SLC6A6: variants seen among roughly 807,000 people sequenced by gnomAD.
The protein encoded by SLC6A6 is solute carrier family 6 member 6.
Under a neutral mutation model 68.8 loss-of-function variants are expected in SLC6A6, and 16 were observed. The observed-to-expected ratio is 0.23, with a 90% CI of 0.16 to 0.35. SLC6A6 has a LOEUF of 0.35. Ranked by LOEUF, SLC6A6 falls within the 10% of genes least tolerant of loss-of-function variation. The probability of loss-of-function intolerance (pLI) is 1.00; values close to 1 mark genes in which losing one functional copy is unlikely to be tolerated. For missense variants in SLC6A6, 474 were observed against 802.8 expected, an observed-to-expected ratio of 0.59 and a Z score of 4.95; for synonymous variants, 312 against 315.4, an observed-to-expected ratio of 0.99 and a Z score of 0.12.
chr3:14,451,449 G>T (rs554593022), intron 5 of SLC6A6, among the ~76,000 whole-genome samples: 1 of 152,242 alleles, frequency 6.6e-6, no homozygotes, highest in Non-Finnish European at 1.5e-5. Flanking sequence ...GAAAGCACAT[G>T]AGTATTTGGG....
Position 14,481,651 on chromosome 3 carries a change from C to A in SLC6A6, c.1552-20C>A. ...CCGATGCCCAGGACCCCTCTCCTGACTGCCCCCATCTCTCCGCAGGGATGT... is the reference window on the plus strand; with the variant it reads ...CCGATGCCCAGGACCCCTCTCCTGAATGCCCCCATCTCTCCGCAGGGATGT... On this transcript the variant is annotated intron_variant, in intron 13 of 14. Transcript: ENST00000622186. The surrounding 1 kb of genome is among the most constrained non-coding windows in gnomAD (Gnocchi z 4.7). 6.3e-7 allele frequency: 1 copy of A among 1,581,796 alleles called. No homozygotes were observed. Among genetic ancestry groups the A allele is most frequent in the Non-Finnish European group, 8.6e-7 (1 of 1,157,818 alleles).
At chr3:14,425,711 C>T (rs1430398545) in intron 2 of SLC6A6, among the ~76,000 whole-genome samples, 1 of 43,800 alleles carries the variant, frequency 2.3e-5, no homozygotes, top group Non-Finnish European at 4.5e-5. Flanking sequence ...GTGGGGGACT[C>T]GGGGCAGGGA....
Position 14,485,081 on chromosome 3 carries a change from C to G in SLC6A6, c.*74C>G. 7.6e-7 allele frequency: 1 copy of G among 1,317,994 alleles called. No homozygotes were observed. The highest frequency in any genetic ancestry group is 1.4e-5 in the South Asian group (1 of 71,200). 81.6% of individuals were successfully genotyped at this position (1,317,994 alleles called of 1,614,324 possible). A position where few individuals can be genotyped will look rare whatever the true frequency, so the allele number is the denominator to read the frequency against. On this transcript the variant is annotated 3_prime_UTR_variant, in exon 15 of 15. Coordinates refer to ENST00000622186, the MANE Select transcript of SLC6A6 (RefSeq NM_003043.6). ...TTAGATTCTCATAGGACCAGGTTTA[C>G]AGAGCTTTATATTTGCACTAGGATT...
chr3:14,465,568 T>C (rs1700598071), intron 6 of SLC6A6, among the ~76,000 whole-genome samples: 1 of 152,206 alleles, frequency 6.6e-6, no homozygotes, highest in Non-Finnish European at 1.5e-5. Context: ...TTGAGGGGCT[T>C]CTATTACTCT....
intron 2 of SLC6A6, among the ~76,000 whole-genome samples, chr3:14,439,080 A>G (rs1317042491): frequency 6.6e-6 from 1 of 152,206 alleles, no homozygotes; most frequent in Non-Finnish European, 1.5e-5. Flanking sequence ...AGCAAGATAT[A>G]GGGGTCCCCA....
intron 2 of SLC6A6, among the ~76,000 whole-genome samples, chr3:14,441,647 G>A (rs908246359): frequency 7.2e-5 from 11 of 152,238 alleles, no homozygotes; most frequent in African/African-American, 2.7e-4. Flanking sequence ...TGTTCCTCGA[G>A]CACAGCCCCT....
At position 14,477,907 on chromosome 3, in the gene SLC6A6, G is replaced by C. The variant is rs1034729709; in HGVS notation, c.1348-559G>C. Among the ~76,000 whole-genome samples the C allele has an allele frequency of 6.6e-6, 1 of 152,148 alleles. No individual in the cohort carries two copies. The highest frequency in any genetic ancestry group is 1.5e-5 in the Non-Finnish European group (1 of 68,026). ...AAGGGAACGGGAACGTCTAAGACGT[G>C]TCTAGCAAGAGGCAAGCCAGATGAG... is the stretch of plus-strand genomic sequence containing the variant. On this transcript the variant is annotated intron_variant, in intron 11 of 14. Transcript: ENST00000622186. This position sits in a 1 kb window ranked among gnomAD's most constrained non-coding sequence, Gnocchi z 4.2.
At chr3:14,445,370 G>A (rs1030718413) in intron 3 of SLC6A6, among the ~76,000 whole-genome samples, 2 of 150,918 alleles carry the variant, frequency 1.3e-5, no homozygotes, top group South Asian at 2.1e-4. Context: ...GCAGTGAGCC[G>A]AGATCACGCC....
At chr3:14,475,192 T>A (rs1269420127) in intron 10 of SLC6A6, among the ~76,000 whole-genome samples, 1 of 151,820 alleles carries the variant, frequency 6.6e-6, no homozygotes, top group Non-Finnish European at 1.5e-5. Flanking sequence ...CCACCATACC[T>A]GGCTAATTTT....
In SLC6A6 at chr3:14,477,945, C is replaced by T. The variant is rs146481861; in HGVS notation, c.1348-521C>T. Among the ~76,000 whole-genome samples, 65 of 152,264 alleles carry T rather than the reference C, an allele frequency of 4.3e-4. No homozygotes were observed. The highest frequency in any genetic ancestry group is 1.5e-3 in the African/African-American group (64 of 41,550). On this transcript the variant is annotated intron_variant, in intron 11 of 14. Coordinates refer to ENST00000622186, the MANE Select transcript of SLC6A6 (RefSeq NM_003043.6). This position sits in a 1 kb window ranked among gnomAD's most constrained non-coding sequence, Gnocchi z 4.2. ...CAAGCCAGATGAGATAAAGATTGTA[C>T]TAAGAATGGAAGCCTAGCATCAAAG... is the stretch of plus-strand genomic sequence containing the variant.
chr3:14,420,489 C>CT (rs763732632), intron 2 of SLC6A6, among the ~76,000 whole-genome samples: 21,300 of 127,948 alleles, frequency 0.17, 2,103 homozygotes, highest in African/African-American at 0.21. Flanking sequence ...AACCACTCTG[C>CT]TTTTTTTTTT....
chr3:14,443,583 C>A (rs1700040889), intron 2 of SLC6A6, 41 bp from the exon 3 acceptor site: 4 of 1,318,876 alleles, frequency 3.0e-6, no homozygotes, highest in Non-Finnish European at 4.3e-6. Flanking sequence ...TACAGGTGGT[C>A]CCTCATCAGC....
At chr3:14,438,892 G>A (rs979855209) in intron 2 of SLC6A6, among the ~76,000 whole-genome samples, 1 of 152,218 alleles carries the variant, frequency 6.6e-6, no homozygotes, top group African/African-American at 2.4e-5. Context: ...TCTGCAGGAC[G>A]GCAGGGCAGG....
In SLC6A6 at chr3:14,472,451, G is replaced by T; in HGVS notation, c.1209+134G>T. ...CAGACTTCCAGTGCTTCAGCTGTGAGGGTTCCTCCAGGACACCAGGAATAG... is the reference window on the plus strand; with the variant it reads ...CAGACTTCCAGTGCTTCAGCTGTGATGGTTCCTCCAGGACACCAGGAATAG... On this transcript the variant is annotated intron_variant, in intron 10 of 14. Transcript: ENST00000622186. The surrounding 1 kb of genome is among the most constrained non-coding windows in gnomAD (Gnocchi z 4.5). 1 of 653,694 alleles carries T rather than the reference G, an allele frequency of 1.5e-6. No homozygotes were observed. Among genetic ancestry groups the T allele is most frequent in the East Asian group, 2.6e-5 (1 of 39,074 alleles). 40.5% of individuals were successfully genotyped at this position (653,694 alleles called of 1,614,324 possible). A position where few individuals can be genotyped will look rare whatever the true frequency, so the allele number is the denominator to read the frequency against.
intron 6 of SLC6A6, among the ~76,000 whole-genome samples, chr3:14,464,405 A>G (rs952025045): frequency 6.6e-6 from 1 of 152,160 alleles, no homozygotes; most frequent in African/African-American, 2.4e-5. Flanking sequence ...AGATAGTAAT[A>G]CAACTTACCT....
chr3:14,484,208 G>C (rs2125002020), intron 14 of SLC6A6, among the ~76,000 whole-genome samples: 1 of 152,310 alleles, frequency 6.6e-6, no homozygotes, highest in East Asian at 1.9e-4. Flanking sequence ...TCAACCAACT[G>C]TGAGGACAAA....
rs896615695 is a variant in SLC6A6, at chr3:14,402,926, C to T, written c.-54+79C>T. On this transcript the variant is annotated intron_variant, in intron 1 of 14. Transcript: ENST00000622186. The surrounding 1 kb of genome is among the most constrained non-coding windows in gnomAD (Gnocchi z 4.8). ...GCCCCTCCCCATCCCCGCGTCGCCGCAGTCCCGGCCTCCTCCCCTCCGCGT... is the reference window on the plus strand; with the variant it reads ...GCCCCTCCCCATCCCCGCGTCGCCGTAGTCCCGGCCTCCTCCCCTCCGCGT... 5.2e-6 allele frequency: 2 copies of T among 386,844 alleles called. No individual in the cohort carries two copies. The highest frequency in any genetic ancestry group is 9.2e-6 in the Non-Finnish European group (2 of 218,436). The allele number at this position is 386,844 out of a possible 1,614,324, so 24.0% of individuals were successfully genotyped here. A position where few individuals can be genotyped will look rare whatever the true frequency, so the allele number is the denominator to read the frequency against.
chr3:14,458,251 G>A (rs1056585608), intron 6 of SLC6A6, among the ~76,000 whole-genome samples, 169 bp downstream of exon 6: 4 of 152,208 alleles, frequency 2.6e-5, no homozygotes, highest in Non-Finnish European at 1.5e-5. Flanking sequence ...TTGTTGTAGC[G>A]TTTGTCCATT....
In SLC6A6 at chr3:14,402,944, C is replaced by G. The variant is rs1208429562; in HGVS notation, c.-54+97C>G. ...GTCGCCGCAGTCCCGGCCTCCTCCC[C>G]TCCGCGTGCGCCCATCCGGCGCCCC... On this transcript the variant is annotated intron_variant, in intron 1 of 14. Transcript: ENST00000622186. This position sits in a 1 kb window ranked among gnomAD's most constrained non-coding sequence, Gnocchi z 4.8. 2 of 384,214 alleles carry G rather than the reference C, an allele frequency of 5.2e-6. No homozygotes were observed. The highest frequency in any genetic ancestry group is 1.4e-4 in the South Asian group (1 of 7,324). The allele number at this position is 384,214 out of a possible 1,614,324, so 23.8% of individuals were successfully genotyped here. A position where few individuals can be genotyped will look rare whatever the true frequency, so the allele number is the denominator to read the frequency against.
Sources: gnomAD v4.1 joint callset for allele counts (sites outside exome capture counted in the v4.1 genomes callset) on GRCh38, gnomAD v4.1.1 for gene constraint, Gnocchi (gnomAD v3.1) non-coding constraint, MANE v1.5 for transcripts, NCBI Gene and HGNC (gene_info 2026-07-23, HGNC 2026-07-21) for gene names.